ATP7A: variants seen among roughly 807,000 people sequenced by gnomAD.
ATP7A encodes the protein ATPase copper transporting alpha, also known as copper-transporting ATPase 1.
A neutral mutation model predicts 83.5 loss-of-function variants in ATP7A; 7 were observed. The ratio of observed to expected loss-of-function variants is 0.08; its 90% CI spans 0.05 to 0.16. ATP7A has a LOEUF of 0.16. ATP7A is among the 10% of genes least tolerant of loss of function. The pLI is 1.00. For missense variants in ATP7A, 940 were observed against 1,120.8 expected, an observed-to-expected ratio of 0.84 and a Z score of 2.30; for synonymous variants, 354 against 395.2, an observed-to-expected ratio of 0.90 and a Z score of 1.24.
At chrX:77,945,753 A>G (rs1360117493) in intron 1 of ATP7A, among the ~76,000 whole-genome samples, 3 of 111,815 alleles carry the variant, frequency 2.7e-5, no homozygotes, top group Non-Finnish European at 5.6e-5. Context: ...TTAAGATTCT[A>G]TAGTGTTATA....
At chrX:77,933,279 C>T (rs1557224766) in intron 1 of ATP7A, among the ~76,000 whole-genome samples, 1 of 111,550 alleles carries the variant, frequency 9.0e-6, no homozygotes, top group African/African-American at 3.3e-5. Context: ...GGAATCAAAT[C>T]CAGACAGTCT....
chrX:78,010,613 T>C (rs1362826540), intron 7 of ATP7A, among the ~76,000 whole-genome samples: 2 of 76,076 alleles, frequency 2.6e-5, no homozygotes, highest in Non-Finnish European at 4.6e-5. Flanking sequence ...AGAGTCTCAC[T>C]CTGTCGCCTG....
chrX:78,027,640 C>T (rs2077954259), intron 14 of ATP7A, among the ~76,000 whole-genome samples: 1 of 112,061 alleles, frequency 8.9e-6, no homozygotes, highest in South Asian at 3.6e-4. Flanking sequence ...CAAAGCCATC[C>T]TAAGCAAAAA....
intron 21 of ATP7A, among the ~76,000 whole-genome samples, chrX:78,043,943 C>T (rs2078066739): frequency 9.4e-6 from 1 of 106,421 alleles, no homozygotes; most frequent in African/African-American, 3.4e-5. Context: ...CAGCTGTGAG[C>T]CACCACTCCC....
At chrX:77,931,813 C>T (rs1221324261) in intron 1 of ATP7A, among the ~76,000 whole-genome samples, 1 of 89,410 alleles carries the variant, frequency 1.1e-5, no homozygotes, top group Non-Finnish European at 2.2e-5. Flanking sequence ...GCTGGCCGGG[C>T]GGGGGGCTGA....
At chrX:78,005,484 C>T (rs932122094) in intron 6 of ATP7A, among the ~76,000 whole-genome samples, 3 of 109,360 alleles carry the variant, frequency 2.7e-5, no homozygotes, top group Non-Finnish European at 5.7e-5. Flanking sequence ...GAGTTCAAGA[C>T]CACCCTCGCC....
At chrX:78,011,318 G>A in intron 8 of ATP7A, 66 bp downstream of exon 8, 2 of 1,106,574 alleles carry the variant, frequency 1.8e-6, no homozygotes, top group Non-Finnish European at 2.5e-6. Context: ...TTTTTTGCAT[G>A]TCAGTTTTTA....
Position 78,004,170 on chromosome X carries a change from T to C in ATP7A, c.1707+934T>C, listed in dbSNP as rs781900860. ...TATTATTTACTTAAGCAAAACAAGT[T>C]GCAGTGTAATACTTATGGCATAATC... On this transcript the variant is annotated intron_variant, in intron 6 of 22. Transcript: ENST00000341514. Among the ~76,000 whole-genome samples, 125 of 111,787 alleles carry C rather than the reference T, an allele frequency of 1.1e-3. 1 individual carries two copies. Among genetic ancestry groups the C allele is most frequent in the Non-Finnish European group, 1.9e-3 (99 of 53,201 alleles).
chrX:77,917,714 A>G (rs1248970313), intron 1 of ATP7A, among the ~76,000 whole-genome samples: 2 of 112,346 alleles, frequency 1.8e-5, no homozygotes, highest in Non-Finnish European at 3.8e-5. Flanking sequence ...AATATGAGAA[A>G]GAGAAACTAA....
chrX:77,946,729 T>TAAAA (rs782042145), intron 1 of ATP7A, among the ~76,000 whole-genome samples: 2 of 55,094 alleles, frequency 3.6e-5, no homozygotes, highest in African/African-American at 6.2e-5. Flanking sequence ...TGGCTATTAC[T>TAAAA]AAAAAAAAAA....
intron 12 of ATP7A, among the ~76,000 whole-genome samples, chrX:78,018,150 T>C (rs1557235371): frequency 9.2e-6 from 1 of 108,975 alleles, no homozygotes; most frequent in Non-Finnish European, 1.9e-5. Flanking sequence ...CATCTCCATC[T>C]GAGACCACCT....
chrX:77,914,794 C>T (rs1418305335), intron 1 of ATP7A, among the ~76,000 whole-genome samples: 2 of 111,394 alleles, frequency 1.8e-5, no homozygotes, highest in African/African-American at 6.5e-5. Flanking sequence ...TTTAGATATA[C>T]TAAAACACCT....
At chrX:78,039,748 G>A (rs1039263859) in intron 18 of ATP7A, among the ~76,000 whole-genome samples, 1 of 112,092 alleles carries the variant, frequency 8.9e-6, no homozygotes, top group Non-Finnish European at 1.9e-5. Flanking sequence ...ACATTTTATC[G>A]TAAGTAAATT....
chrX:78,034,331 ATC>A, intron 17 of ATP7A, among the ~76,000 whole-genome samples: 1 of 111,048 alleles, frequency 9.0e-6, no homozygotes, highest in East Asian at 2.8e-4. Context: ...TTTATTTTTC[ATC>A]TCTTTCTGTT....
chrX:77,927,597 G>A (rs1241782068), intron 1 of ATP7A, among the ~76,000 whole-genome samples: 1 of 111,289 alleles, frequency 9.0e-6, no homozygotes, highest in Admixed American at 9.6e-5. Flanking sequence ...CCTCCCCTTT[G>A]AATATATTCT....
intron 1 of ATP7A, chrX:77,964,376 G>A (rs1299805629): frequency 2.7e-5 from 3 of 111,677 alleles, no homozygotes; most frequent in Admixed American, 9.5e-5. Flanking sequence ...GGCTGCAGAT[G>A]GATGGCCAAA....
At chrX:77,958,267 C>A (rs1367898538) in intron 1 of ATP7A, among the ~76,000 whole-genome samples, 1 of 111,145 alleles carries the variant, frequency 9.0e-6, no homozygotes, top group Non-Finnish European at 1.9e-5. Flanking sequence ...CAGCATCATG[C>A]TTCTGTATAG....
chrX:77,930,489 A>G (rs2077265458), intron 1 of ATP7A, among the ~76,000 whole-genome samples: 1 of 111,963 alleles, frequency 8.9e-6, no homozygotes, highest in Admixed American at 9.5e-5. Context: ...ATGATCCCAG[A>G]GAAAAGAATT....
chrX:77,992,546 T>C (rs1207581917), intron 4 of ATP7A, among the ~76,000 whole-genome samples: 1 of 111,770 alleles, frequency 8.9e-6, no homozygotes, highest in Non-Finnish European at 1.9e-5. Context: ...AGTGCAGTTA[T>C]ATCAGGGAGC....
Sources: allele counts gnomAD v4.1 joint callset (sites outside exome capture counted in the v4.1 genomes callset), GRCh38; gene constraint gnomAD v4.1.1; transcripts MANE v1.5; gene names NCBI Gene and HGNC (gene_info 2026-07-23, HGNC 2026-07-21).